KDM4A: variants seen among roughly 807,000 people sequenced by gnomAD.
The protein encoded by KDM4A is lysine-specific demethylase 4A.
KDM4A carries 23 observed loss-of-function variants against 127.1 expected under a neutral mutation model. The ratio of observed to expected loss-of-function variants is 0.18; its 90% CI spans 0.13 to 0.26. The LOEUF (loss-of-function observed/expected upper bound fraction) is 0.26. Ranked by LOEUF, KDM4A falls within the 10% of genes least tolerant of loss-of-function variation. The pLI is 1.00. For synonymous variants in KDM4A, 443 were observed against 466.5 expected (o/e 0.95, Z 0.65); for missense variants, 890 against 1,329.1 (o/e 0.67, Z 5.14).
chr1:43,675,599 T>C (rs1383942501), intron 11 of KDM4A, among the ~76,000 whole-genome samples: 1 of 152,148 alleles, frequency 6.6e-6, no homozygotes, highest in Non-Finnish European at 1.5e-5. Flanking sequence ...CATATAGGAC[T>C]GGAGAGGGCC....
chr1:43,700,649 T>C (rs1421547248), intron 19 of KDM4A, among the ~76,000 whole-genome samples: 1 of 151,966 alleles, frequency 6.6e-6, no homozygotes, highest in East Asian at 1.9e-4. Flanking sequence ...CTCAAACTCC[T>C]GGGCTCAAGC....
At chr1:43,700,835 T>C (rs1661370626) in intron 19 of KDM4A, among the ~76,000 whole-genome samples, 1 of 149,064 alleles carries the variant, frequency 6.7e-6, no homozygotes, top group Non-Finnish European at 1.5e-5. Context: ...CATGCATCCT[T>C]TTATAACATC....
At position 43,671,724 on chromosome 1, in the gene KDM4A, G is replaced by C; in HGVS notation, c.1583G>C (p.Ser528Thr). 6.2e-7 allele frequency: 1 copy of C among 1,613,902 alleles called. No individual in the cohort carries two copies. Among genetic ancestry groups the C allele is most frequent in the Non-Finnish European group, 8.5e-7 (1 of 1,179,892 alleles). The change falls in exon 11 of 22, where the codon AGT becomes ACT. Residue 528 changes from serine (S) to threonine (T), a missense_variant. Physicochemically the swap from Ser to Thr is moderately conservative, Grantham distance 58 (BLOSUM62 1). Around this residue, in one of 7 missense-constraint regions of KDM4A, gnomAD observed 389 missense variants for 485.9 expected, o/e 0.80. Transcript: ENST00000372396. Reference sequence around the variant, plus strand: ...TCTATCTCTTCTGATTCAGAAACTAGTGAGCCTCTCTCCTGCCGAGCCCAA... The same window carrying C: ...TCTATCTCTTCTGATTCAGAAACTACTGAGCCTCTCTCCTGCCGAGCCCAA... ...RDSISSDSET[S>T]EPLSCRAQGQ...
Position 43,669,777 on chromosome 1 carries a change from T to C in KDM4A, c.1363+478T>C, listed in dbSNP as rs544230250. Among the ~76,000 whole-genome samples the C allele has an allele frequency of 7.2e-5, 11 of 151,928 alleles. No homozygotes were observed. In the East Asian group the frequency reaches 2.1e-3, roughly 29 times the overall value. On this transcript the variant is annotated intron_variant, in intron 10 of 21. Coordinates refer to ENST00000372396, the MANE Select transcript of KDM4A (RefSeq NM_014663.3). Reference sequence around the variant, plus strand: ...GATTCTCCTGCCTCAGCCTTCCAACTAGCTAGGACTACAGGTGCCTGCCAC... The same window carrying C: ...GATTCTCCTGCCTCAGCCTTCCAACCAGCTAGGACTACAGGTGCCTGCCAC...
rs1457957302 is a variant in KDM4A at position 43,683,772 on chromosome 1, C to G, written c.1823C>G (p.Pro608Arg). The change falls in exon 12 of 22, where the codon CCA becomes CGA. Residue 608 changes from proline (P) to arginine (R), a missense_variant. Pro to Arg is a moderately radical substitution (Grantham distance 103). Coordinates refer to ENST00000372396, the MANE Select transcript of KDM4A (RefSeq NM_014663.3). ...TTAAGCAAGCTCCCCCGCCATCACC[C>G]ACTTGTGCTGCAGGAGTGTGTCAGT... Reference protein sequence around the residue: ...QPLSKLPRHHPLVLQECVSDD... With the variant: ...QPLSKLPRHHRLVLQECVSDD... The G allele has an allele frequency of 1.2e-6, 2 of 1,614,130 alleles. No homozygotes were observed. The highest frequency in any genetic ancestry group is 1.7e-6 in the Non-Finnish European group (2 of 1,180,012).
chr1:43,674,473 T>C (rs1052850107), intron 11 of KDM4A, among the ~76,000 whole-genome samples: 1 of 152,064 alleles, frequency 6.6e-6, no homozygotes. Flanking sequence ...GTTAAAATGA[T>C]TGAAGAAAGT....
At chr1:43,692,386 G>A in intron 16 of KDM4A, 75 bp downstream of exon 16, 1 of 1,274,082 alleles carries the variant, frequency 7.8e-7, no homozygotes, top group Non-Finnish European at 1.1e-6. Context: ...GAGGGTACTA[G>A]CTGTTCTTCT....
In KDM4A at chr1:43,689,080, C is replaced by G; in HGVS notation, c.2022C>G (p.Phe674Leu). ...CTCACTGCGCTGTCTGTATGATCTT[C>G]CAGACTTATCATCAGGTAACCCAGC... The part of the protein sequence containing the change: ...QAPHCAVCMI[F>L]QTYHQVEFGG... Residue 674 changes from phenylalanine to leucine, a missense_variant, in exon 13 of 22, where the codon TTC becomes TTG. Around this residue, in one of 7 missense-constraint regions of KDM4A, gnomAD observed 389 missense variants for 485.9 expected, o/e 0.80. Coordinates refer to ENST00000372396, the MANE Select transcript of KDM4A (RefSeq NM_014663.3). 6.2e-7 allele frequency: 1 copy of G among 1,614,106 alleles called. No individual in the cohort carries two copies. Among genetic ancestry groups the G allele is most frequent in the Non-Finnish European group, 8.5e-7 (1 of 1,179,988 alleles).
intron 3 of KDM4A, among the ~76,000 whole-genome samples, chr1:43,658,547 G>A (rs945743642): frequency 6.6e-4 from 96 of 145,890 alleles, no homozygotes; most frequent in African/African-American, 2.3e-3. Context: ...TCTGTGGCGC[G>A]GGCTAGAGTG....
intron 11 of KDM4A, among the ~76,000 whole-genome samples, chr1:43,682,941 C>G (rs989068833): frequency 6.6e-6 from 1 of 152,198 alleles, no homozygotes; most frequent in Non-Finnish European, 1.5e-5. Flanking sequence ...GTTTTAAATA[C>G]GTTGATTAGA....
In KDM4A at chr1:43,690,925, T is replaced by G; in HGVS notation, c.2118T>G (p.Ile706Met). The change falls in exon 14 of 22, where the codon ATT becomes ATG. Residue 706 changes from isoleucine (I) to methionine (M), a missense_variant. Physicochemically the swap from Ile to Met is conservative, Grantham distance 10 (BLOSUM62 1). Around this residue, in one of 7 missense-constraint regions of KDM4A, gnomAD observed 389 missense variants for 485.9 expected, o/e 0.80. Coordinates refer to ENST00000372396, the MANE Select transcript of KDM4A (RefSeq NM_014663.3). ...AGAAGCAGAGGACCAAGCCATTGAT[T>G]CCAGAAATGTGCTTCACTTCGACTG... is the stretch of plus-strand genomic sequence containing the variant. ...APQKQRTKPL[I>M]PEMCFTSTGC... is the part of the protein sequence containing the mutation. 2 of 1,614,202 alleles carry G rather than the reference T, an allele frequency of 1.2e-6. No individual in the cohort carries two copies. Among genetic ancestry groups the G allele is most frequent in the Non-Finnish European group, 1.7e-6 (2 of 1,180,032 alleles).
At chr1:43,680,755 T>C (rs765631007) in intron 11 of KDM4A, among the ~76,000 whole-genome samples, 1 of 152,256 alleles carries the variant, frequency 6.6e-6, no homozygotes. Flanking sequence ...GACAGACTCT[T>C]CTGCTTCCTT....
intron 11 of KDM4A, among the ~76,000 whole-genome samples, chr1:43,681,656 G>C (rs1660861838): frequency 6.6e-6 from 1 of 151,878 alleles, no homozygotes; most frequent in South Asian, 2.1e-4. Flanking sequence ...TTTTTCCCTA[G>C]TCTGCCACAG....
intron 16 of KDM4A, among the ~76,000 whole-genome samples, chr1:43,692,898 G>GT (rs1661150945): frequency 6.6e-6 from 1 of 152,196 alleles, no homozygotes; most frequent in Non-Finnish European, 1.5e-5. Context: ...AGGTGGAAAC[G>GT]TAAGATGAAT....
In KDM4A at chr1:43,665,880, C is replaced by T. The variant is rs1304433196; in HGVS notation, c.673+135C>T. The T allele has an allele frequency of 2.3e-5, 19 of 831,032 alleles. No homozygotes were observed. The Admixed American group carries it at 3.8e-4, about 17-fold the overall frequency. 51.5% of individuals were successfully genotyped at this position (831,032 alleles called of 1,614,324 possible). ...GGCCTGCAGACGGGGGTGAGCCACA[C>T]TGGTTACCTTAAGAGGGCAGTGACG... On this transcript the variant is annotated intron_variant, in intron 6 of 21. Transcript: ENST00000372396.
At chr1:43,664,877 T>C (rs929362108) in intron 5 of KDM4A, among the ~76,000 whole-genome samples, 134 of 152,310 alleles carry the variant, frequency 8.8e-4, no homozygotes, top group African/African-American at 3.1e-3. Context: ...CTGTATAGGG[T>C]TGCCTGATGG....
chr1:43,668,863 A>G (rs1660558239), intron 9 of KDM4A, among the ~76,000 whole-genome samples: 1 of 152,152 alleles, frequency 6.6e-6, no homozygotes, highest in Admixed American at 6.5e-5. Context: ...CCTTTTCTTA[A>G]TCCTCACAAC....
At chr1:43,680,665 A>C (rs920575223) in intron 11 of KDM4A, among the ~76,000 whole-genome samples, 9 of 152,270 alleles carry the variant, frequency 5.9e-5, no homozygotes, top group Non-Finnish European at 1.2e-4. Context: ...GGCTGCCCAC[A>C]TTCCTTGGCT....
chr1:43,704,251 T>G lies in KDM4A; in HGVS notation c.3076T>G (p.Phe1026Val). 6.2e-7 allele frequency: 1 copy of G among 1,614,102 alleles called. No individual in the cohort carries two copies. The highest frequency in any genetic ancestry group is 8.5e-7 in the Non-Finnish European group (1 of 1,180,024). The change falls in exon 22 of 22, where the codon TTC (phenylalanine) becomes GTC (valine). Residue 1026 changes from phenylalanine (F) to valine (V), a missense_variant. Phe to Val is a conservative substitution (Grantham distance 50). Around this residue, in one of 7 missense-constraint regions of KDM4A, gnomAD observed 246 missense variants for 418.4 expected, o/e 0.59. Transcript: ENST00000372396. ...ATAGTCAGTAGCCTCAGACATGCGCTTCAATGAGATTTTCACAGAGAAAGA... is the reference window on the plus strand; with the variant it reads ...ATAGTCAGTAGCCTCAGACATGCGCGTCAATGAGATTTTCACAGAGAAAGA... The part of the protein sequence containing the change: ...SRLSVASDMR[F>V]NEIFTEKEVK...
Sources: allele counts gnomAD v4.1 joint callset (sites outside exome capture counted in the v4.1 genomes callset), GRCh38; gene constraint gnomAD v4.1.1; regional missense constraint gnomAD v4.1.1; transcripts MANE v1.5; gene names NCBI Gene and HGNC (gene_info 2026-07-23, HGNC 2026-07-21).